The following TNK2 variants were observed in gnomAD, a reference collection of about 807,000 sequenced individuals.
The protein encoded by TNK2 is tyrosine kinase non receptor 2.
TNK2 carries 83 observed loss-of-function variants against 101.8 expected under a neutral mutation model. That is an observed-to-expected ratio of 0.82 (90% CI 0.68 to 0.98). The LOEUF is 0.98. TNK2 is among the 50% of genes least tolerant of loss of function. TNK2 has a pLI of 0.00. For missense variants in TNK2, 1,665 were observed against 1,483.2 expected, an observed-to-expected ratio of 1.12 and a Z score of -2.01; for synonymous variants, 804 against 633.0, an observed-to-expected ratio of 1.27 and a Z score of -4.06.
At chr3:195,895,370 C>T in intron 1 of TNK2, 1 of 1,553,542 alleles carries the variant, frequency 6.4e-7, no homozygotes, top group Non-Finnish European at 8.7e-7. Context: ...CGCAGCGGCA[C>T]CGGCAGCGTC....
At chr3:195,895,197 A>G in intron 1 of TNK2, 1 of 1,447,940 alleles carries the variant, frequency 6.9e-7, no homozygotes, top group South Asian at 1.5e-5. Context: ...CAGCAGACGA[A>G]GGGGTCTGGG....
Position 195,868,177 on chromosome 3 carries a change from C to G in TNK2, c.2121G>C (p.Gln707His). ...PLEDNLFLPP[Q>H]GGGKPPSSAQ... Reference sequence around the variant, plus strand: ...CGGAGCTGGGCGGCTTGCCCCCACCCTGGGGCGGGAGGAACAGGTTGTCCT... The same window carrying G: ...CGGAGCTGGGCGGCTTGCCCCCACCGTGGGGCGGGAGGAACAGGTTGTCCT... The change falls in exon 13 of 16, where the codon CAG becomes CAC. Residue 707 changes from glutamine to histidine, a missense_variant. Gln to His is a conservative substitution (Grantham distance 24, BLOSUM62 0). Around this residue, in one of 3 missense-constraint regions of TNK2, gnomAD observed 1,136 missense variants for 894.9 expected, o/e 1.27. Coordinates refer to ENST00000672887, the MANE Select transcript of TNK2 (RefSeq NM_001382273.1). 1 of 1,610,074 alleles carries G rather than the reference C, an allele frequency of 6.2e-7. No individual in the cohort carries two copies.
Position 195,866,889 on chromosome 3 carries a change from T to C in TNK2, c.3161A>G (p.Lys1054Arg), listed in dbSNP as rs1486311637. Reference protein sequence around the residue: ...LLGSWGPAHHKR With the variant: ...LLGSWGPAHHRR ...GGGGCAGACTGTGGGGCTCACTCACTTGTGGTGGGCAGGGCCCCAGGAGCC... is the reference window on the plus strand; with the variant it reads ...GGGGCAGACTGTGGGGCTCACTCACCTGTGGTGGGCAGGGCCCCAGGAGCC... The change falls in exon 15 of 16, where the codon AAG (lysine) becomes AGG (arginine). Residue 1054 changes from lysine to arginine, a missense_variant and splice_region_variant. Coordinates refer to ENST00000672887, the MANE Select transcript of TNK2 (RefSeq NM_001382273.1). 6.2e-7 allele frequency: 1 copy of C among 1,610,158 alleles called. No homozygotes were observed. Among genetic ancestry groups the C allele is most frequent in the Non-Finnish European group, 8.5e-7 (1 of 1,178,750 alleles).
At chr3:195,870,003 A>C in intron 11 of TNK2, 111 bp downstream of exon 11, 1 of 833,344 alleles carries the variant, frequency 1.2e-6, no homozygotes, top group East Asian at 2.8e-5. Context: ...TGCTGCCCTG[A>C]CCCCACTGTC....
At chr3:195,874,356 A>G (rs563245532) in intron 9 of TNK2, among the ~76,000 whole-genome samples, 1 of 152,226 alleles carries the variant, frequency 6.6e-6, no homozygotes, top group Admixed American at 6.5e-5. Context: ...GGAGACATCA[A>G]GCCCACCTCC....
rs1241843149 is a variant in TNK2, at chr3:195,886,607, AG to A, written c.234+369del. 6.6e-6 allele frequency among the ~76,000 whole-genome samples: 1 copy of A among 152,094 alleles called. No individual in the cohort carries two copies. Among genetic ancestry groups the A allele is most frequent in the African/African-American group, 2.4e-5 (1 of 41,416 alleles). ...GTCAGGGAGGAGGGAAGCCAAGCAAAGACGTTCTGGGTCCAGACAGGTCCAC... is the reference window on the plus strand; with the variant it reads ...GTCAGGGAGGAGGGAAGCCAAGCAAAACGTTCTGGGTCCAGACAGGTCCAC... On this transcript the variant is annotated intron_variant, in intron 3 of 15. Transcript: ENST00000672887. The surrounding 1 kb of genome is among the most constrained non-coding windows in gnomAD (Gnocchi z 4.2).
At chr3:195,900,861 C>T (rs1761135795) in intron 1 of TNK2, among the ~76,000 whole-genome samples, 1 of 152,208 alleles carries the variant, frequency 6.6e-6, no homozygotes, top group African/African-American at 2.4e-5. Flanking sequence ...CTGCCCGGCT[C>T]GTCATCCTGC....
chr3:195,885,038 T>G lies in TNK2; in HGVS notation c.235-5A>C. 1 of 1,585,612 alleles carries G rather than the reference T, an allele frequency of 6.3e-7. No individual in the cohort carries two copies. Among genetic ancestry groups the G allele is most frequent in the Non-Finnish European group, 8.6e-7 (1 of 1,162,696 alleles). On this transcript the variant is annotated splice_polypyrimidine_tract_variant and splice_region_variant and intron_variant, in intron 3 of 15. Transcript: ENST00000672887. This position sits in a 1 kb window ranked among gnomAD's most constrained non-coding sequence, Gnocchi z 4.7. ...CAGTCGCTTTCCACTGAACACCTGTTTGAAGGCAGCCGGGGGCCAGATGGA... is the reference window on the plus strand; with the variant it reads ...CAGTCGCTTTCCACTGAACACCTGTGTGAAGGCAGCCGGGGGCCAGATGGA...
At chr3:195,892,437 C>T (rs1399004254) in intron 1 of TNK2, 1 of 1,535,538 alleles carries the variant, frequency 6.5e-7, no homozygotes, top group Non-Finnish European at 8.7e-7. Flanking sequence ...CGCAGTCTGG[C>T]CAGGAGAGGG....
Position 195,872,365 on chromosome 3 carries a change from G to T in TNK2, c.1362C>A (p.Ile454=). The change falls in exon 10 of 16, where the codon ATC becomes ATA. Residue 454 remains isoleucine, a synonymous_variant. Coordinates refer to ENST00000672887, the MANE Select transcript of TNK2 (RefSeq NM_001382273.1). The part of the protein sequence containing the change: ...TSVAGLSAQD[I]SQPLQNSFIH... Reference sequence around the variant, plus strand: ...TGAAGCTGTTCTGCAGGGGCTGGCTGATGTCCTGGGCCGACAGGCCGGCCA... The same window carrying T: ...TGAAGCTGTTCTGCAGGGGCTGGCTTATGTCCTGGGCCGACAGGCCGGCCA... 3 of 1,613,422 alleles carry T rather than the reference G, an allele frequency of 1.9e-6. No individual in the cohort carries two copies. The highest frequency in any genetic ancestry group is 1.7e-5 in the Admixed American group (1 of 60,016).
At position 195,867,002 on chromosome 3, in the gene TNK2, G is replaced by T. The variant is rs766460454; in HGVS notation, c.3048C>A (p.Phe1016Leu). The T allele has an allele frequency of 6.2e-7, 1 of 1,613,080 alleles. No homozygotes were observed. The highest frequency in any genetic ancestry group is 8.5e-7 in the Non-Finnish European group (1 of 1,179,938). ...AAQYLKVEQL[F>L]GLGLRPRGEC... Reference sequence around the variant, plus strand: ...CCCCTCTGGGCCGCAGACCCAGCCCGAAGAGCTGCTCCACCTGGGGGTAAG... The same window carrying T: ...CCCCTCTGGGCCGCAGACCCAGCCCTAAGAGCTGCTCCACCTGGGGGTAAG... Residue 1016 changes from phenylalanine (F) to leucine (L), a missense_variant, in exon 15 of 16, where the codon TTC becomes TTA. This residue lies in a region of TNK2 where 1,136 missense variants were observed against 894.9 expected (regional missense o/e 1.27). Coordinates refer to ENST00000672887, the MANE Select transcript of TNK2 (RefSeq NM_001382273.1).
At chr3:195,895,990 G>T in intron 1 of TNK2, 1 of 344,272 alleles carries the variant, frequency 2.9e-6, no homozygotes, top group Non-Finnish European at 5.6e-6. Flanking sequence ...AGGCCCCCGC[G>T]GCCGGTTCCC....
rs2149450663 is a variant in TNK2, at chr3:195,878,309, C to T, written c.1200G>A (p.Glu400=). 1.2e-6 allele frequency: 2 copies of T among 1,614,068 alleles called. No individual in the cohort carries two copies. The highest frequency in any genetic ancestry group is 2.2e-5 in the East Asian group (1 of 44,868). The change falls in exon 9 of 16, where the codon GAG becomes GAA. Residue 400 remains glutamate, a synonymous_variant. Coordinates refer to ENST00000672887, the MANE Select transcript of TNK2 (RefSeq NM_001382273.1). The surrounding 1 kb of genome is among the most constrained non-coding windows in gnomAD (Gnocchi z 4.7). ...PTDMRALQDF[E]EPDKLHIQMN... is the part of the protein sequence containing the mutation. ...TCTGGATGTGCAGCTTGTCCGGTTC[C>T]TCAAAGTCCTGAAGGGCCCGCATGT...
intron 10 of TNK2, chr3:195,870,467 G>A (rs906353911): frequency 7.2e-6 from 9 of 1,251,136 alleles, no homozygotes; most frequent in Admixed American, 4.7e-5. Flanking sequence ...AAGGGCAGAG[G>A]TGGTCCTCCA....
At chr3:195,901,587 T>C (rs952123907) in intron 1 of TNK2, among the ~76,000 whole-genome samples, 9 of 152,048 alleles carry the variant, frequency 5.9e-5, no homozygotes, top group Admixed American at 3.9e-4. Flanking sequence ...ACACCCACCA[T>C]GCACCCCACA....
chr3:195,869,733 T>C (rs2149268381), intron 11 of TNK2, 192 bp from the exon 12 acceptor site: 1 of 637,678 alleles, frequency 1.6e-6, no homozygotes, highest in Non-Finnish European at 2.8e-6. Flanking sequence ...CGGTCCAGTA[T>C]GATAGGCAGA....
intron 9 of TNK2, chr3:195,876,685 C>A (rs902949242): frequency 6.6e-6 from 3 of 452,818 alleles, no homozygotes; most frequent in Non-Finnish European, 1.3e-5. Context: ...GGGGAAGGAG[C>A]CCCCAGAGCC....
At chr3:195,880,189 G>C (rs1751597409) in intron 6 of TNK2, among the ~76,000 whole-genome samples, 1 of 152,036 alleles carries the variant, frequency 6.6e-6, no homozygotes, top group Admixed American at 6.5e-5. Context: ...CCCACACAGG[G>C]GCCAGGGCAG....
chr3:195,899,784 T>C (rs1761018693), intron 1 of TNK2, among the ~76,000 whole-genome samples: 1 of 152,202 alleles, frequency 6.6e-6, no homozygotes, highest in Non-Finnish European at 1.5e-5. Flanking sequence ...TCTGTCCACA[T>C]CTGTCGCCCT....
Sources: allele counts gnomAD v4.1 joint callset (sites outside exome capture counted in the v4.1 genomes callset), GRCh38; gene constraint gnomAD v4.1.1; regional missense constraint gnomAD v4.1.1; non-coding constraint Gnocchi (gnomAD v3.1); transcripts MANE v1.5; gene names NCBI Gene and HGNC (gene_info 2026-07-23, HGNC 2026-07-21).